The following DCAF10 variants were observed in gnomAD, a reference collection of about 807,000 sequenced individuals.
The protein encoded by DCAF10 is DDB1- and CUL4-associated factor 10.
DCAF10 carries 19 observed loss-of-function variants against 51.9 expected under a neutral mutation model. That is an observed-to-expected ratio of 0.37 (90% confidence interval 0.26 to 0.54). The LOEUF (loss-of-function observed/expected upper bound fraction) is 0.54, where lower values mean the gene tolerates loss of function less well. Among genes scored for constraint, DCAF10 ranks in the 20% least tolerant of loss-of-function variants. DCAF10 has a pLI of 0.87. For synonymous variants in DCAF10, 291 were observed against 297.1 expected (o/e 0.98, Z 0.21); for missense variants, 510 against 730.6 (o/e 0.70, Z 3.48).
chr9:37,801,337 C>A lies in DCAF10; in HGVS notation c.471C>A (p.Pro157=). The stretch of plus-strand genomic sequence containing the variant: ...CTAGCCTCTACGGTTCCATCCACCC[C>A]GCGGACTCGGTGTACCTCAGCACCC... ...TMTSLYGSIH[P]ADSVYLSTRT... is the part of the protein sequence containing the mutation. The change falls in exon 1 of 7, where the codon CCC becomes CCA. Residue 157 remains proline (P), a synonymous_variant. Transcript: ENST00000377724. The surrounding 1 kb of genome is among the most constrained non-coding windows in gnomAD (Gnocchi z 5.5). 6.3e-7 allele frequency: 1 copy of A among 1,585,266 alleles called. No homozygotes were observed. The highest frequency in any genetic ancestry group is 8.6e-7 in the Non-Finnish European group (1 of 1,169,086).
intron 4 of DCAF10, among the ~76,000 whole-genome samples, chr9:37,856,849 A>G (rs1830863302): frequency 1.3e-5 from 2 of 152,228 alleles, no homozygotes; most frequent in Non-Finnish European, 2.9e-5. Context: ...TATACTTTAA[A>G]GAAGAATCTC....
At chr9:37,811,337 A>T (rs1829341707) in intron 1 of DCAF10, among the ~76,000 whole-genome samples, 1 of 152,204 alleles carries the variant, frequency 6.6e-6, no homozygotes. Context: ...GTCTCTAAAG[A>T]AATTTTTTTA....
rs537222384 is a variant in DCAF10, at chr9:37,813,939, GAAGA to G, written c.540-5345_540-5342del. Among the ~76,000 whole-genome samples, 259 of 151,432 alleles carry G rather than the reference GAAGA, an allele frequency of 1.7e-3. 1 individual carries two copies. Among genetic ancestry groups the G allele is most frequent in the African/African-American group, 5.6e-3 (230 of 41,314 alleles). On this transcript the variant is annotated intron_variant, in intron 1 of 6. Coordinates refer to ENST00000377724, the MANE Select transcript of DCAF10 (RefSeq NM_024345.5). ...ATCCTTAAATGCAGATATTAGAAAA[GAAGA>G]AAGGCTGAATTGTCAATAAGCTAAG...
chr9:37,826,076 T>TAA (rs373471414), intron 2 of DCAF10, among the ~76,000 whole-genome samples: 3 of 142,612 alleles, frequency 2.1e-5, no homozygotes, highest in Admixed American at 7.1e-5. Context: ...TATATTTCTT[T>TAA]AAAAAAAAAA....
Position 37,862,969 on chromosome 9 carries a change from G to C in DCAF10, c.*1461G>C, listed in dbSNP as rs192811886. 6.6e-6 allele frequency: 1 copy of C among 152,268 alleles called. No homozygotes were observed. Among genetic ancestry groups the C allele is most frequent in the Admixed American group, 6.5e-5 (1 of 15,296 alleles). The allele number at this position is 152,268 out of a possible 1,614,324, so 9.4% of individuals were successfully genotyped here. ...TCTGTATTTTTCATAGCAACCTCAAGTAATCTTTATTCTGAGGGTCTCGGG... is the reference window on the plus strand; with the variant it reads ...TCTGTATTTTTCATAGCAACCTCAACTAATCTTTATTCTGAGGGTCTCGGG... On this transcript the variant is annotated 3_prime_UTR_variant, in exon 7 of 7. Transcript: ENST00000377724.
intron 2 of DCAF10, among the ~76,000 whole-genome samples, chr9:37,823,741 A>G (rs951077535): frequency 1.4e-4 from 21 of 152,156 alleles, no homozygotes; most frequent in Non-Finnish European, 1.3e-4. Context: ...AATTTTTAAT[A>G]ATTTATTTAA....
At chr9:37,836,346 A>G in intron 2 of DCAF10, 1 of 1,610,922 alleles carries the variant, frequency 6.2e-7, no homozygotes, top group South Asian at 1.1e-5. Flanking sequence ...AGAACACATC[A>G]AGGAGCCAAT....
At chr9:37,816,659 G>GGGGGGGTGTGTGTGT (rs372664140) in intron 1 of DCAF10, among the ~76,000 whole-genome samples, 1 of 144,890 alleles carries the variant, frequency 6.9e-6, no homozygotes, top group Non-Finnish European at 1.5e-5. Context: ...CTGCACCTGG[G>GGGGGGGTGTGTGTGT]GTGTGTGTGT....
chr9:37,825,992 G>A (rs12336976), intron 2 of DCAF10, among the ~76,000 whole-genome samples: 28,806 of 150,782 alleles, frequency 0.19, 3,134 homozygotes, highest in African/African-American at 0.29. Flanking sequence ...CCGAGATCGC[G>A]TCACTGCACA....
At chr9:37,834,089 G>A (rs1394574538) in intron 2 of DCAF10, among the ~76,000 whole-genome samples, 2 of 152,044 alleles carry the variant, frequency 1.3e-5, no homozygotes, top group South Asian at 2.1e-4. Context: ...ACAGGCAGGC[G>A]TCACCACACC....
intron 1 of DCAF10, among the ~76,000 whole-genome samples, chr9:37,813,974 A>T (rs1829429876): frequency 1.3e-5 from 2 of 151,140 alleles, no homozygotes; most frequent in South Asian, 4.2e-4. Context: ...CTAAGTAAGC[A>T]TCCATCTCAA....
In DCAF10 at chr9:37,833,881, CTTTAA is replaced by C. The variant is rs147930562; in HGVS notation, c.654-8203_654-8199del. On this transcript the variant is annotated intron_variant, in intron 2 of 6. Transcript: ENST00000377724. Reference sequence around the variant, plus strand: ...TTTGGGATAAAAATTGTTCTAGGTGCTTTAATTTATCTCCTAGTGTACATTCTTAA... The same window carrying C: ...TTTGGGATAAAAATTGTTCTAGGTGCTTTATCTCCTAGTGTACATTCTTAA... Among the ~76,000 whole-genome samples, 1,114 of 152,248 alleles carry C rather than the reference CTTTAA, an allele frequency of 7.3e-3. 11 individuals carry two copies. The highest frequency in any genetic ancestry group is 0.025 in the African/African-American group (1,059 of 41,540).
chr9:37,816,196 A>T (rs1255665232), intron 1 of DCAF10, among the ~76,000 whole-genome samples: 1 of 152,262 alleles, frequency 6.6e-6, no homozygotes, highest in Non-Finnish European at 1.5e-5. Flanking sequence ...GGAGGAAACT[A>T]TACAATTTTG....
At chr9:37,819,975 T>C (rs981130679) in intron 2 of DCAF10, among the ~76,000 whole-genome samples, 1 of 150,734 alleles carries the variant, frequency 6.6e-6, no homozygotes, top group African/African-American at 2.5e-5. Flanking sequence ...CAGGGTAAAA[T>C]TGTGATAAGA....
intron 4 of DCAF10, among the ~76,000 whole-genome samples, chr9:37,856,168 G>T (rs1830842750): frequency 6.6e-6 from 1 of 151,562 alleles, no homozygotes; most frequent in Non-Finnish European, 1.5e-5. Context: ...AAAAGGAAAT[G>T]AAAAAAAAGG....
At chr9:37,855,978 C>G (rs945113909) in intron 4 of DCAF10, among the ~76,000 whole-genome samples, 3 of 152,066 alleles carry the variant, frequency 2.0e-5, no homozygotes, top group Admixed American at 6.6e-5. Context: ...TGGTGAAACC[C>G]TGTCTCTACG....
chr9:37,860,822 A>T (rs1173081541), intron 6 of DCAF10, among the ~76,000 whole-genome samples: 1 of 151,984 alleles, frequency 6.6e-6, no homozygotes, highest in Non-Finnish European at 1.5e-5. Context: ...TAGGGCTTGG[A>T]TGTACTCCAG....
chr9:37,845,686 A>G (rs1830454923), intron 3 of DCAF10, among the ~76,000 whole-genome samples: 1 of 152,050 alleles, frequency 6.6e-6, no homozygotes, highest in Non-Finnish European at 1.5e-5. Flanking sequence ...TTCTAGAGAT[A>G]CCTCCCACAA....
intron 3 of DCAF10, among the ~76,000 whole-genome samples, chr9:37,849,298 A>G (rs984310679): frequency 2.6e-5 from 4 of 152,276 alleles, no homozygotes; most frequent in African/African-American, 9.6e-5. Flanking sequence ...AGAAAACACT[A>G]TTATTCACAG....
Sources: gnomAD v4.1 joint callset for allele counts (sites outside exome capture counted in the v4.1 genomes callset) on GRCh38, gnomAD v4.1.1 for gene constraint, Gnocchi (gnomAD v3.1) non-coding constraint, MANE v1.5 for transcripts, NCBI Gene and HGNC (gene_info 2026-07-23, HGNC 2026-07-21) for gene names.